The following ADGRL2 variants were observed in gnomAD, a reference collection of about 807,000 sequenced individuals.
The protein encoded by ADGRL2 is calcium-independent alpha-latrotoxin receptor 2.
ADGRL2 carries 44 observed loss-of-function variants against 157.4 expected under a neutral mutation model. That is an observed-to-expected ratio of 0.28 (90% CI 0.22 to 0.36). ADGRL2 has a LOEUF of 0.36. ADGRL2 is among the 10% of genes least tolerant of loss of function. The pLI is 1.00. For synonymous variants in ADGRL2, 585 were observed against 624.7 expected, an observed-to-expected ratio of 0.94 and a Z score of 0.95; for missense variants, 1,510 against 1,768.9, an observed-to-expected ratio of 0.85 and a Z score of 2.63.
At chr1:81,314,977 A>G (rs1022587697) in intron 1 of ADGRL2, among the ~76,000 whole-genome samples, 3 of 152,224 alleles carry the variant, frequency 2.0e-5, no homozygotes, top group African/African-American at 7.2e-5. Flanking sequence ...GGTCTTTGCA[A>G]CTCTTCCAAC....
chr1:81,379,792 C>G (rs1337055746), intron 1 of ADGRL2, among the ~76,000 whole-genome samples: 1 of 152,190 alleles, frequency 6.6e-6, no homozygotes, highest in Non-Finnish European at 1.5e-5. Flanking sequence ...CTGTCTGTGC[C>G]TTGCTAGGAT....
intron 1 of ADGRL2, among the ~76,000 whole-genome samples, chr1:81,360,530 G>A (rs553000651): frequency 9.9e-5 from 15 of 152,000 alleles, no homozygotes; most frequent in African/African-American, 3.4e-4. Context: ...CATCCAAATT[G>A]TTCTCTACAA....
At chr1:81,571,657 A>T (rs1042509932) in intron 2 of ADGRL2, among the ~76,000 whole-genome samples, 4 of 152,086 alleles carry the variant, frequency 2.6e-5, no homozygotes, top group Admixed American at 2.6e-4. Context: ...AACAGAGCGT[A>T]ATAGATAAGA....
intron 3 of ADGRL2, among the ~76,000 whole-genome samples, chr1:81,665,697 C>G (rs2082737798): frequency 6.6e-6 from 1 of 152,036 alleles, no homozygotes; most frequent in African/African-American, 2.4e-5. Context: ...TATCTAGAAG[C>G]CTCCAATATT....
intron 3 of ADGRL2, among the ~76,000 whole-genome samples, chr1:81,653,297 T>A (rs1403059973): frequency 6.7e-6 from 1 of 149,824 alleles, no homozygotes; most frequent in Non-Finnish European, 1.5e-5. Flanking sequence ...TCTGTATCTT[T>A]CCCTTTCTGA....
At chr1:81,889,219 A>G (rs939224796) in intron 2 of ADGRL2, among the ~76,000 whole-genome samples, 3 of 152,284 alleles carry the variant, frequency 2.0e-5, no homozygotes, top group Non-Finnish European at 4.4e-5. Context: ...TGAGGAAGGC[A>G]TATCAAAAGC....
At chr1:81,481,853 C>A (rs1300626280) in intron 2 of ADGRL2, among the ~76,000 whole-genome samples, 2 of 152,122 alleles carry the variant, frequency 1.3e-5, no homozygotes, top group Non-Finnish European at 2.9e-5. Context: ...ATATGTAGCC[C>A]TTCCCTGTTT....
At chr1:81,497,011 C>T (rs150691592) in intron 2 of ADGRL2, among the ~76,000 whole-genome samples, 1 of 152,238 alleles carries the variant, frequency 6.6e-6, no homozygotes, top group Non-Finnish European at 1.5e-5. Context: ...TTTCCTCACA[C>T]AAGCTCCACA....
chr1:81,711,502 A>C (rs1165899447), intron 1 of ADGRL2, among the ~76,000 whole-genome samples: 1 of 152,228 alleles, frequency 6.6e-6, no homozygotes, highest in African/African-American at 2.4e-5. Context: ...ATGTATATTC[A>C]GAGATTTAGA....
chr1:81,877,293 A>G (rs2151133191), intron 2 of ADGRL2, among the ~76,000 whole-genome samples: 1 of 152,260 alleles, frequency 6.6e-6, no homozygotes, highest in African/African-American at 2.4e-5. Flanking sequence ...AGTCTGAATA[A>G]GTCTGAATCA....
At chr1:81,884,004 T>C (rs1022091433) in intron 2 of ADGRL2, among the ~76,000 whole-genome samples, 1 of 152,026 alleles carries the variant, frequency 6.6e-6, no homozygotes, top group African/African-American at 2.4e-5. Context: ...CTTTTTTTTT[T>C]TTTTAGGATA....
chr1:81,613,137 G>A (rs1316980995), intron 3 of ADGRL2, among the ~76,000 whole-genome samples: 1 of 152,164 alleles, frequency 6.6e-6, no homozygotes, highest in Non-Finnish European at 1.5e-5. Flanking sequence ...TCAATCCTGG[G>A]CTAGTTACTT....
In ADGRL2 at chr1:81,862,706, T is replaced by A. The variant is rs1453805318; in HGVS notation, c.73+25649T>A. 2.0e-5 allele frequency among the ~76,000 whole-genome samples: 3 copies of A among 152,176 alleles called. No homozygotes were observed. In the East Asian group the frequency reaches 5.8e-4, roughly 29 times the overall value. On this transcript the variant is annotated intron_variant, in intron 2 of 23. Coordinates refer to ENST00000686636, the MANE Select transcript of ADGRL2 (RefSeq NM_001366006.2). ...GGAAAGAAGAATAATATTTAGTTTT[T>A]TTGTAGTACTTTTACTCTTTTACCA...
chr1:81,316,156 A>T (rs1660096343), intron 1 of ADGRL2, among the ~76,000 whole-genome samples: 1 of 152,088 alleles, frequency 6.6e-6, no homozygotes, highest in South Asian at 2.1e-4. Flanking sequence ...AAAAGAAGAA[A>T]GGTAGACAAG....
At chr1:81,817,709 T>C (rs1234587858) in intron 1 of ADGRL2, among the ~76,000 whole-genome samples, 1 of 152,040 alleles carries the variant, frequency 6.6e-6, no homozygotes, top group Non-Finnish European at 1.5e-5. Context: ...ATGAGTAAAA[T>C]CTTGATTTTT....
At chr1:81,546,659 ATTAGGCAATTC>A (rs2080025442) in intron 2 of ADGRL2, among the ~76,000 whole-genome samples, 1 of 152,200 alleles carries the variant, frequency 6.6e-6, no homozygotes, top group African/African-American at 2.4e-5. Context: ...ATTCAATCTT[ATTAGGCAATTC>A]AACCCATCTC....
At chr1:81,816,944 A>G (rs1036275876) in intron 1 of ADGRL2, among the ~76,000 whole-genome samples, 2 of 149,982 alleles carry the variant, frequency 1.3e-5, no homozygotes, top group Non-Finnish European at 3.0e-5. Context: ...ATGAATGTTG[A>G]ATTCTTAGTT....
At chr1:81,460,965 A>C (rs1034454350) in intron 2 of ADGRL2, among the ~76,000 whole-genome samples, 3 of 152,336 alleles carry the variant, frequency 2.0e-5, no homozygotes, top group Middle Eastern at 3.4e-3. Context: ...GTATGACGGC[A>C]TATGGTCAGG....
chr1:81,350,430 G>A (rs959798799), intron 1 of ADGRL2, among the ~76,000 whole-genome samples: 1 of 152,124 alleles, frequency 6.6e-6, no homozygotes, highest in Non-Finnish European at 1.5e-5. Flanking sequence ...GATCTTCAAG[G>A]ATTTTAGTAA....
Sources: allele counts gnomAD v4.1 joint callset (sites outside exome capture counted in the v4.1 genomes callset), GRCh38; gene constraint gnomAD v4.1.1; transcripts MANE v1.5; gene names NCBI Gene and HGNC (gene_info 2026-07-23, HGNC 2026-07-21).